Variants in DPM1 observed in about 807,000 individuals in gnomAD.
DPM1 encodes the protein dolichol-phosphate mannosyltransferase subunit 1.
A neutral mutation model predicts 39.0 loss-of-function variants in DPM1; 27 were observed. That is an observed-to-expected ratio of 0.69 (90% CI 0.51 to 0.95). DPM1 has a LOEUF of 0.95. Ranked by LOEUF, DPM1 falls within the 40% of genes least tolerant of loss-of-function variation. The probability of loss-of-function intolerance (pLI) is 0.00; values close to 1 mark genes in which losing one functional copy is unlikely to be tolerated. For missense variants in DPM1, 307 were observed against 315.6 expected, an observed-to-expected ratio of 0.97 and a Z score of 0.21; for synonymous variants, 124 against 109.0, an observed-to-expected ratio of 1.14 and a Z score of -0.86.
intron 1 of DPM1, among the ~76,000 whole-genome samples, chr20:50,955,715 C>CACCA (rs927626896): frequency 1.2e-4 from 19 of 152,178 alleles, no homozygotes; most frequent in African/African-American, 4.6e-4. Flanking sequence ...AGGCGCCCAC[C>CACCA]ACCACGCCCG....
At position 50,945,774 on chromosome 20, in the gene DPM1, AAAG is replaced by A; in HGVS notation, c.373-15_373-13del. ...GGAATAAATTTTGGCTGAAATTTGAAAAGAATAAACAGTAAGTCAGTAAAACAG... is the reference window on the plus strand; with the variant it reads ...GGAATAAATTTTGGCTGAAATTTGAAAATAAACAGTAAGTCAGTAAAACAG... On this transcript the variant is annotated splice_polypyrimidine_tract_variant and intron_variant, in intron 4 of 8. Transcript: ENST00000371588. The A allele has an allele frequency of 6.2e-7, 1 of 1,606,218 alleles. No individual in the cohort carries two copies. Among genetic ancestry groups the A allele is most frequent in the South Asian group, 1.1e-5 (1 of 90,906 alleles).
chr20:50,942,926 C>G (rs1257237783), intron 5 of DPM1, among the ~76,000 whole-genome samples: 1 of 152,178 alleles, frequency 6.6e-6, no homozygotes, highest in African/African-American at 2.4e-5. Context: ...GCCTGTAATC[C>G]CAGCACTTTG....
chr20:50,952,581 T>C (rs1358308259), intron 2 of DPM1, among the ~76,000 whole-genome samples: 4 of 152,202 alleles, frequency 2.6e-5, no homozygotes, highest in Non-Finnish European at 2.9e-5. Flanking sequence ...TCCTCCTGTT[T>C]TGTAAATCTT....
rs768184749 is a variant in DPM1 at position 50,958,457 on chromosome 20, G to C, written c.67C>G (p.Arg23Gly). ...AAAAGCACCGAATATTTGTTCTGTC[G>C]TGGACTGCGCACTTCCAGCTCCCGC... Reference protein sequence around the residue: ...SRRELEVRSPRQNKYSVLLPT... With the variant: ...SRRELEVRSPGQNKYSVLLPT... The change falls in exon 1 of 9, where the codon CGA (arginine) becomes GGA (glycine). Residue 23 changes from arginine to glycine, a missense_variant. Arg to Gly is a moderately radical substitution (Grantham distance 125). Coordinates refer to ENST00000371588, the MANE Select transcript of DPM1 (RefSeq NM_003859.3). 2.2e-5 allele frequency: 36 copies of C among 1,613,940 alleles called. No individual in the cohort carries two copies. Among genetic ancestry groups the C allele is most frequent in the Non-Finnish European group, 8.5e-7 (1 of 1,180,032 alleles).
intron 7 of DPM1, among the ~76,000 whole-genome samples, chr20:50,938,624 C>T (rs981788264): frequency 1.7e-4 from 25 of 150,836 alleles, no homozygotes; most frequent in Non-Finnish European, 3.3e-4. Flanking sequence ...TTGTGATCCA[C>T]CTGCCTCGGC....
At chr20:50,949,762 G>C (rs1007685445) in intron 2 of DPM1, among the ~76,000 whole-genome samples, 2 of 131,202 alleles carry the variant, frequency 1.5e-5, no homozygotes, top group African/African-American at 5.9e-5. Context: ...TAAAGCAGAT[G>C]ATTTTTTTTT....
intron 2 of DPM1, 104 bp from the exon 3 acceptor site, chr20:50,948,766 T>C: frequency 9.4e-7 from 1 of 1,067,202 alleles, no homozygotes; most frequent in Non-Finnish European, 1.4e-6. Context: ...GAAATATAGT[T>C]GCACTTGTTA....
chr20:50,954,116 C>G (rs945473151), intron 2 of DPM1, among the ~76,000 whole-genome samples: 1 of 152,018 alleles, frequency 6.6e-6, no homozygotes, highest in Non-Finnish European at 1.5e-5. Context: ...ACACTCACCT[C>G]TAAGTAGAAA....
chr20:50,942,984 C>T (rs1601036147), intron 5 of DPM1, among the ~76,000 whole-genome samples: 1 of 152,266 alleles, frequency 6.6e-6, no homozygotes, highest in Non-Finnish European at 1.5e-5. Flanking sequence ...TTGTGACTAG[C>T]CTGGCCAACA....
At chr20:50,953,427 T>A (rs1303703389) in intron 2 of DPM1, among the ~76,000 whole-genome samples, 2 of 152,242 alleles carry the variant, frequency 1.3e-5, no homozygotes. Context: ...TAACATGGTT[T>A]CAATATCCTT....
chr20:50,943,756 T>C (rs79016737), intron 5 of DPM1, among the ~76,000 whole-genome samples: 2 of 148,648 alleles, frequency 1.3e-5, no homozygotes, highest in Non-Finnish European at 3.0e-5. Context: ...TTTTTTTTTT[T>C]TGAGATGGAG....
rs1261680228 is a variant in DPM1, at chr20:50,948,681, G to C, written c.262-19C>G. 6.2e-7 allele frequency: 1 copy of C among 1,610,774 alleles called. No individual in the cohort carries two copies. Among genetic ancestry groups the C allele is most frequent in the Non-Finnish European group, 8.5e-7 (1 of 1,177,144 alleles). ...TTAGAAGCTGTAGGAATAAGAAATA[G>C]CATTTTACACACAGAAACAGAAATC... On this transcript the variant is annotated intron_variant, in intron 2 of 8. Coordinates refer to ENST00000371588, the MANE Select transcript of DPM1 (RefSeq NM_003859.3).
At chr20:50,949,763 AT>A (rs58806831) in intron 2 of DPM1, among the ~76,000 whole-genome samples, 5,546 of 145,478 alleles carry the variant, frequency 0.038, 317 homozygotes, top group African/African-American at 0.13. Flanking sequence ...AAAGCAGATG[AT>A]TTTTTTTTTT....
At chr20:50,941,344 T>TATATATTC (rs1985778784) in intron 6 of DPM1, 1 of 144,170 alleles carries the variant, frequency 6.9e-6, no homozygotes, top group Non-Finnish European at 1.4e-5. Context: ...ATATTCGTAT[T>TATATATTC]ATATATATTC....
chr20:50,945,653 T>C, intron 5 of DPM1, 84 bp downstream of exon 5: 1 of 1,246,288 alleles, frequency 8.0e-7, no homozygotes, highest in South Asian at 1.3e-5. Context: ...TATTTTTGAT[T>C]AATAAAAAAT....
At chr20:50,936,391 C>A in intron 7 of DPM1, 129 bp from the exon 8 acceptor site, 1 of 632,576 alleles carries the variant, frequency 1.6e-6, no homozygotes. Flanking sequence ...AACAGAAAAG[C>A]TCGCACACTT....
At position 50,945,911 on chromosome 20, in the gene DPM1, A is replaced by T; in HGVS notation, c.308T>A (p.Ile103Asn). The T allele has an allele frequency of 6.2e-7, 1 of 1,613,236 alleles. No individual in the cohort carries two copies. Among genetic ancestry groups the T allele is most frequent in the Non-Finnish European group, 8.5e-7 (1 of 1,179,496 alleles). ...TCCTGTGGCATGTTTCATTCCATGA[A>T]TATATGCAGTTCCTAAAAATGAAAG... ...EKKLGLGTAYIHGMKHATGNY... is the reference protein window; with the variant it reads ...EKKLGLGTAYNHGMKHATGNY... The change falls in exon 4 of 9, where the codon ATT (isoleucine) becomes AAT (asparagine). Residue 103 changes from isoleucine (I) to asparagine (N), a missense_variant. Physicochemically the swap from Ile to Asn is moderately radical, Grantham distance 149. Around this residue, in one of 3 missense-constraint regions of DPM1, gnomAD observed 206 missense variants for 188.2 expected, o/e 1.09. Transcript: ENST00000371588.
chr20:50,949,262 A>G (rs900004435), intron 2 of DPM1, among the ~76,000 whole-genome samples: 25 of 152,222 alleles, frequency 1.6e-4, no homozygotes, highest in Admixed American at 7.2e-4. Context: ...TCTATATTTG[A>G]TTTTCCTTTT....
Position 50,936,367 on chromosome 20 carries a change from A to G in DPM1, c.564-105T>C, listed in dbSNP as rs2294902. 193,411 of 724,588 alleles carry G rather than the reference A, an allele frequency of 0.27. 26,739 individuals carry two copies. Among genetic ancestry groups the G allele is most frequent in the East Asian group, 0.31 (11,115 of 36,442 alleles). The allele number at this position is 724,588 out of a possible 1,614,324, so 44.9% of individuals were successfully genotyped here. ...GGTATGTATAAAGCCTAAAACTTTC[A>G]CTGGCCATTGGTAAACAGAAAAGCT... On this transcript the variant is annotated intron_variant, in intron 7 of 8. Coordinates refer to ENST00000371588, the MANE Select transcript of DPM1 (RefSeq NM_003859.3).
Sources: allele counts gnomAD v4.1 joint callset (sites outside exome capture counted in the v4.1 genomes callset), GRCh38; gene constraint gnomAD v4.1.1; regional missense constraint gnomAD v4.1.1; transcripts MANE v1.5; gene names NCBI Gene and HGNC (gene_info 2026-07-23, HGNC 2026-07-21).